The following SSBP3 variants were observed in gnomAD, a reference collection of about 807,000 sequenced individuals.
SSBP3 encodes the protein single stranded DNA binding protein 3, also known as single-stranded DNA-binding protein 3.
A neutral mutation model predicts 69.6 loss-of-function variants in SSBP3; 5 were observed. The observed-to-expected ratio is 0.07, with a 90% CI of 0.04 to 0.15. The LOEUF (loss-of-function observed/expected upper bound fraction) is 0.15. Ranked by LOEUF, SSBP3 falls within the 10% of genes least tolerant of loss-of-function variation. SSBP3 has a pLI of 1.00. For synonymous variants in SSBP3, 196 were observed against 193.4 expected, an observed-to-expected ratio of 1.01 and a Z score of -0.11; for missense variants, 312 against 534.0, an observed-to-expected ratio of 0.58 and a Z score of 4.10.
chr1:54,314,131 G>C (rs1646054799), intron 4 of SSBP3, among the ~76,000 whole-genome samples: 1 of 152,162 alleles, frequency 6.6e-6, no homozygotes, highest in African/African-American at 2.4e-5. Context: ...CCAGCCAAGG[G>C]GGGCTTAGCC....
chr1:54,264,545 G>C (rs1265677557), intron 5 of SSBP3, among the ~76,000 whole-genome samples: 11 of 152,218 alleles, frequency 7.2e-5, no homozygotes, highest in Non-Finnish European at 1.0e-4. Flanking sequence ...GTGAGGACAG[G>C]CTGTGACCTG....
chr1:54,227,219 AC>A (rs1247491322), intron 17 of SSBP3, 59 bp from the exon 18 acceptor site: 2 of 1,008,102 alleles, frequency 2.0e-6, no homozygotes, highest in Non-Finnish European at 3.2e-6. Context: ...CCGCTGACAC[AC>A]CCAGGTGCCA....
At chr1:54,406,068 C>T (rs1649736480) in exon 1 of SSBP3, 1 of 929,464 alleles carries the variant, frequency 1.1e-6, no homozygotes, top group Admixed American at 4.3e-5. Context: ...CGCTACCGCT[C>T]CGGCTCTCCC....
intron 4 of SSBP3, among the ~76,000 whole-genome samples, chr1:54,386,704 T>TTTTTTTTTTTA (rs1557584629): frequency 7.1e-6 from 1 of 140,986 alleles, no homozygotes; most frequent in African/African-American, 2.6e-5. Context: ...TTTTTTTTTT[T>TTTTTTTTTTTA]AAGAGATGGA....
chr1:54,290,802 A>G (rs1645591425), intron 4 of SSBP3, among the ~76,000 whole-genome samples: 1 of 152,242 alleles, frequency 6.6e-6, no homozygotes, highest in East Asian at 1.9e-4. Flanking sequence ...AGGAAGATTA[A>G]GGGCTAGAGG....
upstream of SSBP3, among the ~76,000 whole-genome samples, chr1:54,407,249 C>T (rs1433909198): frequency 2.6e-5 from 4 of 151,944 alleles, no homozygotes; most frequent in East Asian, 1.9e-4. Context: ...GCAAGTTAGC[C>T]CCTCGGCTTC....
chr1:54,230,701 G>A (rs977426252), intron 14 of SSBP3, among the ~76,000 whole-genome samples: 1 of 152,092 alleles, frequency 6.6e-6, no homozygotes, highest in East Asian at 1.9e-4. Flanking sequence ...CCCGGCCCCA[G>A]GCAAACACTA....
chr1:54,409,220 T>C (rs1271593695), upstream of SSBP3, among the ~76,000 whole-genome samples: 1 of 152,100 alleles, frequency 6.6e-6, no homozygotes, highest in East Asian at 1.9e-4. Flanking sequence ...TCTACCATCC[T>C]TTAAGGCTAA....
At chr1:54,389,396 C>T (rs1291240509) in intron 4 of SSBP3, among the ~76,000 whole-genome samples, 1 of 152,080 alleles carries the variant, frequency 6.6e-6, no homozygotes, top group African/African-American at 2.4e-5. Flanking sequence ...CATTAAAAAC[C>T]AGCCCAATCC....
intron 4 of SSBP3, among the ~76,000 whole-genome samples, chr1:54,306,415 G>A (rs1176715432): frequency 6.6e-6 from 1 of 152,186 alleles, no homozygotes; most frequent in Admixed American, 6.5e-5. Flanking sequence ...TACTGGCAAA[G>A]ACTGGGTTAT....
intron 4 of SSBP3, among the ~76,000 whole-genome samples, chr1:54,317,894 T>G (rs1646142890): frequency 1.3e-5 from 2 of 152,176 alleles, no homozygotes. Context: ...GCCTCCTGAG[T>G]AGCTGGGATT....
chr1:54,330,870 C>T (rs1336920556), intron 4 of SSBP3, among the ~76,000 whole-genome samples: 1 of 152,180 alleles, frequency 6.6e-6, no homozygotes, highest in African/African-American at 2.4e-5. Flanking sequence ...AGCACACCAC[C>T]GTGGGTGCAG....
At chr1:54,361,578 C>G (rs899790452) in intron 4 of SSBP3, among the ~76,000 whole-genome samples, 1 of 152,168 alleles carries the variant, frequency 6.6e-6, no homozygotes, top group African/African-American at 2.4e-5. Context: ...TTGGATAACT[C>G]TGGTCCTGAG....
At chr1:54,358,571 A>T (rs112427586) in intron 4 of SSBP3, among the ~76,000 whole-genome samples, 6,699 of 152,166 alleles carry the variant, frequency 0.044, 334 homozygotes, top group African/African-American at 0.12. Flanking sequence ...AGATGGCATA[A>T]CCTCCATCCC....
chr1:54,409,199 A>G (rs2100847551), upstream of SSBP3, among the ~76,000 whole-genome samples: 1 of 152,202 alleles, frequency 6.6e-6, no homozygotes, highest in African/African-American at 2.4e-5. Flanking sequence ...TTCCTGCCTC[A>G]GTTCCCTTCT....
chr1:54,383,142 G>A (rs541638832), intron 4 of SSBP3, among the ~76,000 whole-genome samples: 10 of 152,268 alleles, frequency 6.6e-5, no homozygotes, highest in Admixed American at 4.6e-4. Context: ...GGGAGGCCGA[G>A]GTGGGCGGAT....
chr1:54,284,252 C>A (rs1168531131), intron 4 of SSBP3, among the ~76,000 whole-genome samples: 1 of 151,560 alleles, frequency 6.6e-6, no homozygotes, highest in Non-Finnish European at 1.5e-5. Context: ...AACGAAATAA[C>A]AGGCATTAAA....
intron 4 of SSBP3, among the ~76,000 whole-genome samples, chr1:54,298,797 A>G (rs2100987947): frequency 6.6e-6 from 1 of 152,320 alleles, no homozygotes; most frequent in East Asian, 1.9e-4. Context: ...CACCATGGTC[A>G]GCGTGTGCAA....
chr1:54,322,369 A>G (rs1464526760), intron 4 of SSBP3, among the ~76,000 whole-genome samples: 1 of 152,170 alleles, frequency 6.6e-6, no homozygotes, highest in Non-Finnish European at 1.5e-5. Flanking sequence ...GTGAACAGCC[A>G]TGGCCAATAG....
Sources: allele counts gnomAD v4.1 joint callset (sites outside exome capture counted in the v4.1 genomes callset), GRCh38; gene constraint gnomAD v4.1.1; transcripts MANE v1.5; gene names NCBI Gene and HGNC (gene_info 2026-07-23, HGNC 2026-07-21).